ZNF420: variants seen among roughly 807,000 people sequenced by gnomAD.
ZNF420 encodes the protein ATM and p53-associated KZNF protein.
A neutral mutation model predicts 44.7 loss-of-function variants in ZNF420; 31 were observed. The ratio of observed to expected loss-of-function variants is 0.69; its 90% CI spans 0.52 to 0.94. The LOEUF is 0.94. ZNF420 is among the 40% of genes least tolerant of loss of function. The pLI is 0.00. For missense variants in ZNF420, 681 were observed against 827.9 expected (o/e 0.82, Z 2.18); for synonymous variants, 245 against 267.4 (o/e 0.92, Z 0.82).
intron 1 of ZNF420, among the ~76,000 whole-genome samples, chr19:37,023,731 G>T (rs544402117): frequency 3.3e-5 from 5 of 152,178 alleles, no homozygotes; most frequent in African/African-American, 1.2e-4. Context: ...AGTAACATTT[G>T]GGTTCAGAGC....
At chr19:37,077,377 A>C (rs1397207806), upstream of ZNF420, among the ~76,000 whole-genome samples, 1 of 152,212 alleles carries the variant, frequency 6.6e-6, no homozygotes, top group Non-Finnish European at 1.5e-5. Flanking sequence ...TAATAAGAGA[A>C]ACTTTACCCT....
At chr19:37,059,151 G>A (rs562615166) in intron 1 of ZNF420, among the ~76,000 whole-genome samples, 1 of 152,318 alleles carries the variant, frequency 6.6e-6, no homozygotes, top group Admixed American at 6.5e-5. Context: ...ACCGGTGGAA[G>A]TCGACTCAAG....
At chr19:37,098,373 A>G (rs961712366) in intron 4 of ZNF420, among the ~76,000 whole-genome samples, 4 of 152,198 alleles carry the variant, frequency 2.6e-5, no homozygotes, top group Non-Finnish European at 4.4e-5. Context: ...CATCAGTCAT[A>G]GGTATCTATT....
intron 1 of ZNF420, among the ~76,000 whole-genome samples, chr19:37,051,354 C>G (rs935560135): frequency 8.5e-5 from 13 of 152,076 alleles, no homozygotes; most frequent in African/African-American, 3.1e-4. Context: ...TGGTCCTGGA[C>G]TTTTTTTGGT....
At chr19:37,040,789 A>G (rs1439192131) in intron 1 of ZNF420, among the ~76,000 whole-genome samples, 1 of 152,144 alleles carries the variant, frequency 6.6e-6, no homozygotes, top group Non-Finnish European at 1.5e-5. Flanking sequence ...GGGTGTACTT[A>G]AGTGATTAAA....
At chr19:37,054,249 C>T (rs1039736186) in intron 1 of ZNF420, among the ~76,000 whole-genome samples, 10 of 152,156 alleles carry the variant, frequency 6.6e-5, no homozygotes, top group African/African-American at 1.2e-4. Context: ...TTCCAGGTGC[C>T]GTCTGTCACC....
intron 1 of ZNF420, among the ~76,000 whole-genome samples, chr19:37,071,399 G>GAA (rs1968055320): frequency 6.6e-6 from 1 of 152,178 alleles, no homozygotes; most frequent in South Asian, 2.1e-4. Flanking sequence ...AAACTATAAA[G>GAA]AAAAGCAAGA....
intron 4 of ZNF420, among the ~76,000 whole-genome samples, chr19:37,096,283 A>G (rs141295264): frequency 6.6e-6 from 1 of 151,362 alleles, no homozygotes; most frequent in African/African-American, 2.4e-5. Flanking sequence ...ATACTTTCAT[A>G]TATTTCCAGC....
At chr19:37,033,343 C>T (rs1464025464) in intron 1 of ZNF420, among the ~76,000 whole-genome samples, 7 of 152,140 alleles carry the variant, frequency 4.6e-5, no homozygotes, top group African/African-American at 1.7e-4. Flanking sequence ...AAACTCTGTA[C>T]CCTTTAAACA....
chr19:37,013,656 C>G (rs558641163), intron 1 of ZNF420, among the ~76,000 whole-genome samples: 20 of 152,242 alleles, frequency 1.3e-4, no homozygotes, highest in African/African-American at 4.6e-4. Context: ...TCTGGTGAGG[C>G]GGGGAGGGCC....
chr19:37,073,907 G>T (rs988547904), upstream of ZNF420, among the ~76,000 whole-genome samples: 1 of 152,104 alleles, frequency 6.6e-6, no homozygotes, highest in African/African-American at 2.4e-5. Context: ...GAGCAACACA[G>T]AGGATGATAA....
intron 4 of ZNF420, among the ~76,000 whole-genome samples, chr19:37,116,318 G>A (rs923688169): frequency 2.6e-4 from 36 of 136,436 alleles, no homozygotes; most frequent in Admixed American, 1.4e-3. Flanking sequence ...GCAGTGAACC[G>A]AGATCACACC....
At chr19:37,103,261 C>T (rs1256636278) in intron 4 of ZNF420, among the ~76,000 whole-genome samples, 1 of 151,708 alleles carries the variant, frequency 6.6e-6, no homozygotes, top group African/African-American at 2.4e-5. Flanking sequence ...TAACTTAATT[C>T]TAGGATTATA....
intron 1 of ZNF420, among the ~76,000 whole-genome samples, chr19:37,035,848 A>G (rs1322792508): frequency 6.6e-6 from 1 of 152,186 alleles, no homozygotes; most frequent in Non-Finnish European, 1.5e-5. Flanking sequence ...AAAATATATG[A>G]CTCAAAGAAA....
intron 1 of ZNF420, among the ~76,000 whole-genome samples, chr19:37,041,335 A>C (rs1967449562): frequency 1.3e-5 from 2 of 151,786 alleles, no homozygotes; most frequent in Non-Finnish European, 2.9e-5. Context: ...AAATCCCAAC[A>C]ACATGTTACA....
At chr19:37,103,113 CTG>C (rs1173685664) in intron 4 of ZNF420, among the ~76,000 whole-genome samples, 1 of 152,162 alleles carries the variant, frequency 6.6e-6, no homozygotes, top group East Asian at 1.9e-4. Context: ...GCACTTAAGA[CTG>C]TAAATTTCCC....
intron 1 of ZNF420, among the ~76,000 whole-genome samples, chr19:37,029,489 A>G (rs1218692890): frequency 1.3e-5 from 2 of 151,958 alleles, no homozygotes; most frequent in African/African-American, 2.4e-5. Context: ...CTTGAGAGTC[A>G]ATATTTTAAT....
chr19:37,109,930 G>A (rs1970297280), intron 4 of ZNF420: 1 of 152,012 alleles, frequency 6.6e-6, no homozygotes, highest in Non-Finnish European at 1.5e-5. Flanking sequence ...ACTCCTTACT[G>A]TCTCCCCCTT....
At chr19:37,065,528 C>T (rs1599628987) in intron 1 of ZNF420, among the ~76,000 whole-genome samples, 1 of 152,336 alleles carries the variant, frequency 6.6e-6, no homozygotes, top group African/African-American at 2.4e-5. Context: ...CCTCTTGAAG[C>T]TGGGAATGGC....
Sources: allele counts gnomAD v4.1 joint callset (sites outside exome capture counted in the v4.1 genomes callset), GRCh38; gene constraint gnomAD v4.1.1; transcripts MANE v1.5; gene names NCBI Gene and HGNC (gene_info 2026-07-23, HGNC 2026-07-21).